POLR3D: variants seen among roughly 807,000 people sequenced by gnomAD.
POLR3D encodes the protein DNA-directed RNA polymerase III subunit RPC4.
In POLR3D, 42 loss-of-function variants were observed where a neutral mutation model predicts 44.5. That is an observed-to-expected ratio of 0.94 (90% CI 0.74 to 1.22). The LOEUF (loss-of-function observed/expected upper bound fraction) is 1.22, where lower values mean the gene tolerates loss of function less well. POLR3D is among the 50% of genes most tolerant of loss of function. The pLI, the probability that POLR3D is intolerant of heterozygous loss-of-function variation, is 0.00. For missense variants in POLR3D, 507 were observed against 505.2 expected, an observed-to-expected ratio of 1.00 and a Z score of -0.03; for synonymous variants, 217 against 198.1, an observed-to-expected ratio of 1.10 and a Z score of -0.80.
rs758089618 is a variant in POLR3D, at chr8:22,248,465, A to C, written c.487-16A>C. On this transcript the variant is annotated splice_polypyrimidine_tract_variant and intron_variant, in intron 5 of 8. Coordinates refer to ENST00000306433, the MANE Select transcript of POLR3D (RefSeq NM_001722.3). ...CATGTGCTAGCAGGCTGGATGACCC[A>C]GACTCTCTTTGGCAGTTCCTCGATG... 5.0e-6 allele frequency: 8 copies of C among 1,612,686 alleles called. No homozygotes were observed. The Admixed American group carries it at 1.3e-4, about 27-fold the overall frequency.
rs1011499613 is a variant in POLR3D, at chr8:22,247,269, G to A, written c.209+5G>A. On this transcript the variant is annotated splice_donor_5th_base_variant and intron_variant, in intron 3 of 8. Coordinates refer to ENST00000306433, the MANE Select transcript of POLR3D (RefSeq NM_001722.3). ...CAGTCGGAAGATCAAGGAAGAGTAAGTAGCTAGGCCTTCTGAATACTTGCC... is the reference window on the plus strand; with the variant it reads ...CAGTCGGAAGATCAAGGAAGAGTAAATAGCTAGGCCTTCTGAATACTTGCC... 6.8e-6 allele frequency: 11 copies of A among 1,611,770 alleles called. No homozygotes were observed. Among genetic ancestry groups the A allele is most frequent in the Non-Finnish European group, 9.3e-6 (11 of 1,178,030 alleles).
chr8:22,248,228 G>C lies in POLR3D; in HGVS notation c.436G>C (p.Glu146Gln), dbSNP rs1166681404. The change falls in exon 5 of 9, where the codon GAG becomes CAG. Residue 146 changes from glutamate to glutamine, a missense_variant. Glu to Gln is a conservative substitution (Grantham distance 29, BLOSUM62 2). Transcript: ENST00000306433. ...HIINIKKEKR[E>Q]TDEETKQILR... is the part of the protein sequence containing the mutation. ...CATCAACATCAAAAAAGAGAAGAGA[G>C]AGACAGACGAAGAAACTAAACAGAT... 1 of 1,614,206 alleles carries C rather than the reference G, an allele frequency of 6.2e-7. No homozygotes were observed. Among genetic ancestry groups the C allele is most frequent in the Admixed American group, 1.7e-5 (1 of 60,022 alleles).
chr8:22,249,126 G>A lies in POLR3D; in HGVS notation c.738G>A (p.Pro246=), dbSNP rs749549633. ...PKAARKTPGL[P]KDVSVAELLR... The stretch of plus-strand genomic sequence containing the variant: ...CAGCCAGGAAGACTCCAGGCCTCCC[G>A]AAGGATGTATCTGTGGCAGAGCTGC... Residue 246 remains proline (P), a synonymous_variant, in exon 7 of 9, where the codon CCG becomes CCA. Coordinates refer to ENST00000306433, the MANE Select transcript of POLR3D (RefSeq NM_001722.3). The A allele has an allele frequency of 1.7e-5, 28 of 1,613,940 alleles. No homozygotes were observed. Among genetic ancestry groups the A allele is most frequent in the Middle Eastern group, 3.3e-4 (2 of 6,084 alleles).
rs576068879 is a variant in POLR3D, at chr8:22,250,929, G to C, written c.*411G>C. 4.5e-6 allele frequency: 1 copy of C among 223,874 alleles called. No homozygotes were observed. The highest frequency in any genetic ancestry group is 7.3e-5 in the South Asian group (1 of 13,766). The allele number at this position is 223,874 out of a possible 1,614,324, so 13.9% of individuals were successfully genotyped here. Reference sequence around the variant, plus strand: ...CCCCGTCCTCCTGGAGGCAGTATAGGAGAGAGAGCAAGGATTGAGTCTGAG... The same window carrying C: ...CCCCGTCCTCCTGGAGGCAGTATAGCAGAGAGAGCAAGGATTGAGTCTGAG... On this transcript the variant is annotated 3_prime_UTR_variant, in exon 9 of 9. Transcript: ENST00000306433.
Position 22,250,511 on chromosome 8 carries a change from A to C in POLR3D, c.1190A>C (p.His397Pro), listed in dbSNP as rs926084205. ...TTTGAATCCCTCTTGGATCACAAAC[A>C]CCGGTAAAATGAGCAGGTGGAGGAG... ...PDFESLLDHKHR is the reference protein window; with the variant it reads ...PDFESLLDHKPR The change falls in exon 9 of 9, where the codon CAC becomes CCC. Residue 397 changes from histidine to proline, a missense_variant. Transcript: ENST00000306433. 2 of 1,614,028 alleles carry C rather than the reference A, an allele frequency of 1.2e-6. No individual in the cohort carries two copies. The highest frequency in any genetic ancestry group is 2.7e-5 in the African/African-American group (2 of 74,908).
At position 22,250,479 on chromosome 8, in the gene POLR3D, C is replaced by T. The variant is rs749504577; in HGVS notation, c.1158C>T (p.Ser386=). 1.9e-6 allele frequency: 3 copies of T among 1,614,168 alleles called. No homozygotes were observed. Among genetic ancestry groups the T allele is most frequent in the Non-Finnish European group, 2.5e-6 (3 of 1,180,020 alleles). ...LGHVKHKLVC[S]PDFESLLDHK... Reference sequence around the variant, plus strand: ...ACGTGAAGCACAAACTTGTATGTTCCCCTGATTTTGAATCCCTCTTGGATC... The same window carrying T: ...ACGTGAAGCACAAACTTGTATGTTCTCCTGATTTTGAATCCCTCTTGGATC... The change falls in exon 9 of 9, where the codon TCC becomes TCT. Residue 386 remains serine (S), a synonymous_variant. Transcript: ENST00000306433.
In POLR3D at chr8:22,252,912, T is replaced by C. The variant is rs977851079; in HGVS notation, c.*2394T>C. On this transcript the variant is annotated 3_prime_UTR_variant, in exon 9 of 9. Coordinates refer to ENST00000306433, the MANE Select transcript of POLR3D (RefSeq NM_001722.3). ...GTTGGAAAAAATCACTTATCCTCTT[T>C]AAGCTTGATTTTATTTATTTTATTT... The C allele has an allele frequency of 2.6e-5, 4 of 152,228 alleles. No homozygotes were observed. The highest frequency in any genetic ancestry group is 9.6e-5 in the African/African-American group (4 of 41,458). The allele number at this position is 152,228 out of a possible 1,614,324, so 9.4% of individuals were successfully genotyped here.
At chr8:22,249,807 G>A (rs147150427) in intron 7 of POLR3D, among the ~76,000 whole-genome samples, 294 of 152,308 alleles carry the variant, frequency 1.9e-3, no homozygotes, top group African/African-American at 6.8e-3. Flanking sequence ...TGGCGACAGA[G>A]TCAGACCTTG....
rs919501884 is a variant in POLR3D at position 22,251,995 on chromosome 8, C to T, written c.*1477C>T. 6.5e-6 allele frequency: 1 copy of T among 153,582 alleles called. No individual in the cohort carries two copies. Among genetic ancestry groups the T allele is most frequent in the Non-Finnish European group, 1.5e-5 (1 of 68,098 alleles). The allele number at this position is 153,582 out of a possible 1,614,324, so 9.5% of individuals were successfully genotyped here. A position where few individuals can be genotyped will look rare whatever the true frequency, so the allele number is the denominator to read the frequency against. The stretch of plus-strand genomic sequence containing the variant: ...CCCCTTAGATTTTGGGTACATCTTC[C>T]TTCAGGCTCACCTTCCTTCTTTTCA... On this transcript the variant is annotated 3_prime_UTR_variant, in exon 9 of 9. Transcript: ENST00000306433.
At position 22,250,248 on chromosome 8, in the gene POLR3D, A is replaced by G. The variant is rs778533594; in HGVS notation, c.1074+21A>G. The G allele has an allele frequency of 2.2e-5, 36 of 1,613,704 alleles. No individual in the cohort carries two copies. The South Asian group carries it at 3.8e-4, about 17-fold the overall frequency. ...TGCAGGTAAGAGCCTCCTTAGGGGC[A>G]AGGAGGGACCCTTTCAGGAGTGAAG... On this transcript the variant is annotated intron_variant, in intron 8 of 8. Coordinates refer to ENST00000306433, the MANE Select transcript of POLR3D (RefSeq NM_001722.3).
chr8:22,245,692 G>A, intron 2 of POLR3D, 78 bp downstream of exon 2: 2 of 1,036,916 alleles, frequency 1.9e-6, no homozygotes, highest in Non-Finnish European at 2.5e-6. Context: ...GTTTGTGTAG[G>A]ACCTACTGTG....
At chr8:22,247,753 C>G in intron 3 of POLR3D, 104 bp from the exon 4 acceptor site, 1 of 1,081,520 alleles carries the variant, frequency 9.2e-7, no homozygotes. Context: ...TAAATATTGG[C>G]TCAAACTCTC....
At chr8:22,247,066 CAT>C (rs1830050923) in intron 2 of POLR3D, among the ~76,000 whole-genome samples, 153 bp from the exon 3 acceptor site, 1 of 152,226 alleles carries the variant, frequency 6.6e-6, no homozygotes, top group Non-Finnish European at 1.5e-5. Flanking sequence ...TTTTCAGGCA[CAT>C]GTGTATCTAT....
rs766471352 is a variant in POLR3D at position 22,248,229 on chromosome 8, A to G, written c.437A>G (p.Glu146Gly). ...ATCAACATCAAAAAAGAGAAGAGAG[A>G]GACAGACGAAGAAACTAAACAGATC... ...HIINIKKEKRETDEETKQILR... is the reference protein window; with the variant it reads ...HIINIKKEKRGTDEETKQILR... The change falls in exon 5 of 9, where the codon GAG becomes GGG. Residue 146 changes from glutamate to glycine, a missense_variant. Coordinates refer to ENST00000306433, the MANE Select transcript of POLR3D (RefSeq NM_001722.3). 28 of 1,614,070 alleles carry G rather than the reference A, an allele frequency of 1.7e-5. No homozygotes were observed. The highest frequency in any genetic ancestry group is 2.3e-5 in the Non-Finnish European group (27 of 1,180,044).
chr8:22,248,429 T>C (rs568557465), intron 5 of POLR3D, 52 bp from the exon 6 acceptor site: 2 of 1,597,518 alleles, frequency 1.3e-6, no homozygotes, highest in East Asian at 2.2e-5. Flanking sequence ...AAGCAGACTT[T>C]GATCCAGGTG....
intron 2 of POLR3D, among the ~76,000 whole-genome samples, chr8:22,246,677 C>T (rs1389422821): frequency 6.6e-6 from 1 of 152,122 alleles, no homozygotes; most frequent in Non-Finnish European, 1.5e-5. Context: ...AACTCCTGAC[C>T]TCGTGATCCA....
intron 7 of POLR3D, 71 bp downstream of exon 7, chr8:22,249,380 A>G (rs1830077501): frequency 6.5e-7 from 1 of 1,533,644 alleles, no homozygotes; most frequent in East Asian, 2.3e-5. Flanking sequence ...TGTAGTGGGA[A>G]GCAAAGCCGT....
chr8:22,248,484 C>G lies in POLR3D; in HGVS notation c.490C>G (p.Leu164Val). Residue 164 changes from leucine to valine, a missense_variant, in exon 6 of 9, where the codon CTC (leucine) becomes GTC (valine). By Grantham distance (32) the Leu-to-Val change is conservative. Transcript: ENST00000306433. ...TGACCCAGACTCTCTTTGGCAGTTC[C>G]TCGATGACCCCGGCCTGAGGAACGA... ...ILRMLEKDDF[L>V]DDPGLRNDTR... The G allele has an allele frequency of 6.2e-7, 1 of 1,613,816 alleles. No homozygotes were observed.
At chr8:22,246,051 A>AT (rs1471688660) in intron 2 of POLR3D, among the ~76,000 whole-genome samples, 1 of 152,224 alleles carries the variant, frequency 6.6e-6, no homozygotes, top group Non-Finnish European at 1.5e-5. Flanking sequence ...TCCCATGTGT[A>AT]TATGACTGTG....
Sources: gnomAD v4.1 joint callset for allele counts (sites outside exome capture counted in the v4.1 genomes callset) on GRCh38, gnomAD v4.1.1 for gene constraint, MANE v1.5 for transcripts, NCBI Gene and HGNC (gene_info 2026-07-23, HGNC 2026-07-21) for gene names.